Variants in BRINP1 observed in about 807,000 individuals in gnomAD.
BRINP1 encodes BMP/retinoic acid-inducible neural-specific protein 1.
In BRINP1, 17 loss-of-function variants were observed where a neutral mutation model predicts 72.9. The ratio of observed to expected loss-of-function variants is 0.23; its 90% CI spans 0.16 to 0.35. The LOEUF (loss-of-function observed/expected upper bound fraction) is 0.35. Ranked by LOEUF, BRINP1 falls within the 10% of genes least tolerant of loss-of-function variation. The pLI is 1.00. For missense variants in BRINP1, 850 were observed against 1,001.6 expected (o/e 0.85, Z 2.04); for synonymous variants, 418 against 378.5 (o/e 1.10, Z -1.21).
At chr9:119,233,315 T>C (rs1318299193) in intron 5 of BRINP1, among the ~76,000 whole-genome samples, 2 of 152,140 alleles carry the variant, frequency 1.3e-5, no homozygotes, top group African/African-American at 4.8e-5. Context: ...AATGAGAATG[T>C]TATTTATGCC....
chr9:119,347,434 T>C (rs1426020308), intron 1 of BRINP1, among the ~76,000 whole-genome samples: 1 of 152,182 alleles, frequency 6.6e-6, no homozygotes, highest in Non-Finnish European at 1.5e-5. Flanking sequence ...GTGCTTTCAA[T>C]GAAATGATGA....
Position 119,363,479 on chromosome 9 carries a change from C to T in BRINP1, c.-51+5577G>A, listed in dbSNP as rs552749051. On this transcript the variant is annotated intron_variant, in intron 1 of 7. Transcript: ENST00000265922. ...CATGGCTGATTCCTTCTCATTTAAG[C>T]CTCAGTTCCAACATCACTTTCTCAG... Among the ~76,000 whole-genome samples the T allele has an allele frequency of 9.8e-5, 15 of 152,318 alleles. 1 individual carries two copies. In the South Asian group the frequency reaches 3.1e-3, roughly 32 times the overall value.
chr9:119,285,456 A>G (rs1830752060), intron 2 of BRINP1, among the ~76,000 whole-genome samples: 1 of 152,246 alleles, frequency 6.6e-6, no homozygotes, highest in Non-Finnish European at 1.5e-5. Context: ...CCCATTTTAT[A>G]GATGAGCACG....
At chr9:119,253,710 T>A (rs755103073) in intron 2 of BRINP1, among the ~76,000 whole-genome samples, 1 of 151,954 alleles carries the variant, frequency 6.6e-6, no homozygotes, top group Non-Finnish European at 1.5e-5. Flanking sequence ...ATGAGCTCCA[T>A]GTGCAAAAAT....
intron 7 of BRINP1, among the ~76,000 whole-genome samples, chr9:119,191,216 T>C (rs1188929247): frequency 6.6e-6 from 1 of 151,894 alleles, no homozygotes; most frequent in Non-Finnish European, 1.5e-5. Flanking sequence ...TCCACTAATA[T>C]TCAATTCCAG....
chr9:119,173,762 C>A lies in BRINP1; in HGVS notation c.1146-5538G>T, dbSNP rs1829447206. On this transcript the variant is annotated intron_variant, in intron 7 of 7. Coordinates refer to ENST00000265922, the MANE Select transcript of BRINP1 (RefSeq NM_014618.3). ...AACTATACTACAAGGCTACAGTAAC[C>A]AAAACAGCATGGTACTGGTACCAAA... Among the ~76,000 whole-genome samples, 11 of 145,916 alleles carry A rather than the reference C, an allele frequency of 7.5e-5. No homozygotes were observed. The South Asian group carries it at 2.4e-3, about 32-fold the overall frequency.
At position 119,289,419 on chromosome 9, in the gene BRINP1, T is replaced by C. The variant is rs114209098; in HGVS notation, c.218+23719A>G. On this transcript the variant is annotated intron_variant, in intron 2 of 7. Coordinates refer to ENST00000265922, the MANE Select transcript of BRINP1 (RefSeq NM_014618.3). ...ATGGTCTCATTTTTATTTTAGGAGA[T>C]CAGTTAACTCTGGCTGTTCCGTGAA... 7.9e-3 allele frequency among the ~76,000 whole-genome samples: 1,196 copies of C among 152,234 alleles called. 16 individuals carry two copies. The highest frequency in any genetic ancestry group is 0.027 in the African/African-American group (1,117 of 41,534).
intron 1 of BRINP1, among the ~76,000 whole-genome samples, chr9:119,315,286 T>C (rs1408517): frequency 0.39 from 58,766 of 151,742 alleles, 11,838 homozygotes; most frequent in Non-Finnish European, 0.44. Context: ...GTGCTCACTT[T>C]GTGTCTTGGT....
At chr9:119,351,197 T>G (rs990028965) in intron 1 of BRINP1, among the ~76,000 whole-genome samples, 3 of 152,200 alleles carry the variant, frequency 2.0e-5, no homozygotes, top group Non-Finnish European at 4.4e-5. Flanking sequence ...GAAATCCATG[T>G]AACACATTCA....
chr9:119,228,043 T>C (rs1830110444), intron 5 of BRINP1, among the ~76,000 whole-genome samples: 1 of 152,050 alleles, frequency 6.6e-6, no homozygotes, highest in Non-Finnish European at 1.5e-5. Flanking sequence ...TCGCTCCATC[T>C]GTGACGTCTA....
chr9:119,318,553 T>C (rs1587959018), intron 1 of BRINP1, among the ~76,000 whole-genome samples: 1 of 152,082 alleles, frequency 6.6e-6, no homozygotes, highest in East Asian at 1.9e-4. Context: ...AATCCGTACA[T>C]GTTGAGTGCA....
intron 1 of BRINP1, among the ~76,000 whole-genome samples, chr9:119,320,063 G>A (rs895030312): frequency 2.0e-5 from 3 of 152,116 alleles, no homozygotes; most frequent in African/African-American, 4.8e-5. Context: ...GAAGAGGGAG[G>A]TAGTACTTGA....
rs773529971 is a variant in BRINP1, at chr9:119,167,264, T to C, written c.2106A>G (p.Arg702=). 6.2e-7 allele frequency: 1 copy of C among 1,614,126 alleles called. No homozygotes were observed. Among genetic ancestry groups the C allele is most frequent in the South Asian group, 1.1e-5 (1 of 91,070 alleles). ...CCACAGGAGGGGCCAGGCGATTAAT[T>C]CGGTCCCGAATATCCAACAAGAGGA... ...VMLLLLDIRD[R]INRLAPPVAP... Residue 702 remains arginine (R), a synonymous_variant, in exon 8 of 8, where the codon CGA becomes CGG. Transcript: ENST00000265922. The surrounding 1 kb of genome is among the most constrained non-coding windows in gnomAD (Gnocchi z 4.3).
chr9:119,325,777 TG>T (rs950946407), intron 1 of BRINP1, among the ~76,000 whole-genome samples: 3 of 152,210 alleles, frequency 2.0e-5, no homozygotes, highest in Non-Finnish European at 4.4e-5. Flanking sequence ...CCCTATTGAT[TG>T]TTTTACCCCT....
rs1413024832 is a variant in BRINP1, at chr9:119,273,271, C to G, written c.219-24121G>C. Among the ~76,000 whole-genome samples the G allele has an allele frequency of 2.0e-5, 3 of 152,128 alleles. No individual in the cohort carries two copies. In the East Asian group the frequency reaches 5.8e-4, roughly 29 times the overall value. On this transcript the variant is annotated intron_variant, in intron 2 of 7. Transcript: ENST00000265922. ...GCCTTGGATTCTCCATCTGTACAAT[C>G]AAAAGTTTGAATAATATCCCTGAGG...
chr9:119,177,278 A>G (rs1829500100), intron 7 of BRINP1, among the ~76,000 whole-genome samples: 1 of 152,134 alleles, frequency 6.6e-6, no homozygotes, highest in South Asian at 2.1e-4. Context: ...TCGTGAGACC[A>G]ATCCTATTAC....
At chr9:119,359,637 C>A (rs144075549) in intron 1 of BRINP1, among the ~76,000 whole-genome samples, 226 of 152,276 alleles carry the variant, frequency 1.5e-3, no homozygotes, top group African/African-American at 5.2e-3. Flanking sequence ...AAGCTTTCAA[C>A]CTCTGTACTT....
intron 2 of BRINP1, among the ~76,000 whole-genome samples, chr9:119,283,551 C>CA (rs1300841029): frequency 6.6e-6 from 1 of 152,182 alleles, no homozygotes; most frequent in African/African-American, 2.4e-5. Context: ...ATCTTTTTGA[C>CA]AGAGTCTCGC....
In BRINP1 at chr9:119,167,369, G is replaced by A; in HGVS notation, c.2001C>T (p.Asp667=). Residue 667 remains aspartate (D), a synonymous_variant, in exon 8 of 8, where the codon GAC becomes GAT. Coordinates refer to ENST00000265922, the MANE Select transcript of BRINP1 (RefSeq NM_014618.3). The surrounding 1 kb of genome is among the most constrained non-coding windows in gnomAD (Gnocchi z 4.3). Reference sequence around the variant, plus strand: ...CCTGCTGCACTGCACTGCGCAGGAGGTCGGCGTTGAACCTCAGGCTATACC... The same window carrying A: ...CCTGCTGCACTGCACTGCGCAGGAGATCGGCGTTGAACCTCAGGCTATACC... ...VFGYSLRFNA[D]LLRSAVQQVN... The A allele has an allele frequency of 6.2e-7, 1 of 1,614,126 alleles. No individual in the cohort carries two copies.
Sources: allele counts gnomAD v4.1 joint callset (sites outside exome capture counted in the v4.1 genomes callset), GRCh38; gene constraint gnomAD v4.1.1; non-coding constraint Gnocchi (gnomAD v3.1); transcripts MANE v1.5; gene names NCBI Gene and HGNC (gene_info 2026-07-23, HGNC 2026-07-21).